The following LSAMP variants were observed in gnomAD, a reference collection of about 807,000 sequenced individuals.
LSAMP encodes the protein limbic system-associated membrane protein.
A neutral mutation model predicts 38.6 loss-of-function variants in LSAMP; 7 were observed. The observed-to-expected ratio is 0.18, with a 90% CI of 0.10 to 0.34. LSAMP has a LOEUF of 0.34. LSAMP is among the 10% of genes least tolerant of loss of function. The pLI, the probability that LSAMP is intolerant of heterozygous loss-of-function variation, is 1.00. For missense variants in LSAMP, 313 were observed against 420.0 expected (o/e 0.75, Z 2.23); for synonymous variants, 154 against 166.8 (o/e 0.92, Z 0.59).
At chr3:116,297,338 A>C (rs1325168492) in intron 1 of LSAMP, among the ~76,000 whole-genome samples, 1 of 152,196 alleles carries the variant, frequency 6.6e-6, no homozygotes, top group Non-Finnish European at 1.5e-5. Context: ...GGGTGGTCAA[A>C]GAAATTCACC....
At chr3:115,964,183 G>T (rs559755095) in intron 3 of LSAMP, among the ~76,000 whole-genome samples, 1 of 152,142 alleles carries the variant, frequency 6.6e-6, no homozygotes, top group Admixed American at 6.5e-5. Context: ...CTTATTTTTG[G>T]TGTTTTATTT....
intron 2 of LSAMP, among the ~76,000 whole-genome samples, chr3:116,060,756 A>T (rs568509931): frequency 7.9e-5 from 12 of 152,160 alleles, no homozygotes; most frequent in African/African-American, 2.9e-4. Flanking sequence ...GTGAAACTCC[A>T]TCTCAAAAAA....
At chr3:116,209,864 G>T (rs967767358) in intron 1 of LSAMP, among the ~76,000 whole-genome samples, 1 of 152,122 alleles carries the variant, frequency 6.6e-6, no homozygotes, top group East Asian at 1.9e-4. Flanking sequence ...CCGTTCTCCT[G>T]CCTTAGCCTC....
intron 1 of LSAMP, among the ~76,000 whole-genome samples, chr3:116,257,365 CTCTTT>C (rs2046765443): frequency 6.6e-6 from 1 of 152,088 alleles, no homozygotes; most frequent in Non-Finnish European, 1.5e-5. Flanking sequence ...AGTAGGGTTA[CTCTTT>C]TCTTCTGTTT....
intron 1 of LSAMP, among the ~76,000 whole-genome samples, chr3:116,202,144 T>C (rs1339118584): frequency 2.1e-5 from 2 of 93,572 alleles, no homozygotes; most frequent in East Asian, 5.4e-4. Context: ...CTTTCTTTTC[T>C]TTTTTTTTTT....
chr3:116,067,286 A>AAAAT (rs1707480851), intron 2 of LSAMP, among the ~76,000 whole-genome samples: 1 of 152,162 alleles, frequency 6.6e-6, no homozygotes, highest in Non-Finnish European at 1.5e-5. Context: ...ATATTACTGA[A>AAAAT]GTTGATGAAG....
At chr3:116,090,565 T>C (rs564204926) in intron 1 of LSAMP, among the ~76,000 whole-genome samples, 44 of 152,356 alleles carry the variant, frequency 2.9e-4, no homozygotes, top group Admixed American at 2.4e-3. Context: ...CTAAACTTTA[T>C]ACTTAATGAT....
At chr3:116,441,795 C>G (rs183249096) in intron 1 of LSAMP, among the ~76,000 whole-genome samples, 1 of 152,336 alleles carries the variant, frequency 6.6e-6, no homozygotes, top group Admixed American at 6.5e-5. Context: ...CTTTCCTGTA[C>G]ACACAAATAT....
At chr3:116,082,286 G>A (rs545984510) in intron 2 of LSAMP, among the ~76,000 whole-genome samples, 51 of 152,246 alleles carry the variant, frequency 3.3e-4, no homozygotes, top group African/African-American at 1.2e-3. Context: ...TATATAATTT[G>A]ATTCAATGTC....
rs1937350049 is a variant in LSAMP, at chr3:115,920,170, T to A, written c.515-67553A>T. 6.6e-5 allele frequency among the ~76,000 whole-genome samples: 10 copies of A among 152,330 alleles called. 1 individual carries two copies. The South Asian group carries it at 2.1e-3, about 32-fold the overall frequency. Reference sequence around the variant, plus strand: ...TGGCAGTAGAGATATCTCTTAAAGATCCTGATTTCAATTCTTTTGTATAAA... The same window carrying A: ...TGGCAGTAGAGATATCTCTTAAAGAACCTGATTTCAATTCTTTTGTATAAA... On this transcript the variant is annotated intron_variant, in intron 3 of 6. Coordinates refer to ENST00000490035, the MANE Select transcript of LSAMP (RefSeq NM_002338.5).
intron 1 of LSAMP, among the ~76,000 whole-genome samples, chr3:116,120,514 C>T (rs797005020): frequency 3.3e-5 from 5 of 152,260 alleles, no homozygotes; most frequent in African/African-American, 1.2e-4. Context: ...AGGGACAGTA[C>T]TCACAGATAA....
intron 3 of LSAMP, among the ~76,000 whole-genome samples, chr3:115,952,868 GAA>G (rs746621298): frequency 6.6e-5 from 10 of 152,124 alleles, no homozygotes; most frequent in Non-Finnish European, 1.0e-4. Context: ...CAAGATGTAA[GAA>G]AAATTATTGT....
chr3:115,823,731 T>C (rs1934320989), intron 6 of LSAMP, among the ~76,000 whole-genome samples: 1 of 152,200 alleles, frequency 6.6e-6, no homozygotes, highest in South Asian at 2.1e-4. Flanking sequence ...ACAAGGAGAA[T>C]AAATTTTTTC....
intron 3 of LSAMP, among the ~76,000 whole-genome samples, chr3:115,857,231 G>A (rs1056403580): frequency 2.0e-5 from 3 of 152,180 alleles, no homozygotes; most frequent in African/African-American, 7.2e-5. Context: ...GCTGAATCTT[G>A]AGTCACAAAA....
intron 1 of LSAMP, among the ~76,000 whole-genome samples, chr3:116,095,077 T>C (rs903410768): frequency 1.3e-5 from 2 of 152,230 alleles, no homozygotes; most frequent in African/African-American, 4.8e-5. Flanking sequence ...GTTAACCTCT[T>C]TATATTTTGC....
In LSAMP at chr3:116,232,699, C is replaced by CTTTTTTTTTTTTTT. The variant is rs1219296323; in HGVS notation, c.156-146157_156-146144dup. 2.5e-4 allele frequency among the ~76,000 whole-genome samples: 25 copies of CTTTTTTTTTTTTTT among 99,458 alleles called. 2 individuals carry two copies. The highest frequency in any genetic ancestry group is 3.1e-4 in the Non-Finnish European group (15 of 48,514). 65.2% of individuals were successfully genotyped at this position (99,458 alleles called of 152,430 possible). On this transcript the variant is annotated intron_variant, in intron 1 of 6. Coordinates refer to ENST00000490035, the MANE Select transcript of LSAMP (RefSeq NM_002338.5). The stretch of plus-strand genomic sequence containing the variant: ...TTAATTTTCTTTTCTTTCTTTCTTT[C>CTTTTTTTTTTTTTT]TTTTTTTTTTTTTTTTTCCAGCAGG...
At chr3:116,324,784 T>C (rs1174980523) in intron 1 of LSAMP, among the ~76,000 whole-genome samples, 1 of 152,174 alleles carries the variant, frequency 6.6e-6, no homozygotes, top group Non-Finnish European at 1.5e-5. Flanking sequence ...CAGTGTATCT[T>C]GTCATTGTCT....
chr3:116,000,608 G>A (rs1402913098), intron 3 of LSAMP, among the ~76,000 whole-genome samples: 1 of 152,174 alleles, frequency 6.6e-6, no homozygotes, highest in Non-Finnish European at 1.5e-5. Context: ...AGTACTTGTT[G>A]TGGACCTGGT....
At chr3:115,977,282 C>T (rs72957755) in intron 3 of LSAMP, among the ~76,000 whole-genome samples, 3,369 of 152,224 alleles carry the variant, frequency 0.022, 115 homozygotes, top group African/African-American at 0.075. Flanking sequence ...TTCTCATAGT[C>T]ACTGGTAAGT....
Sources: allele counts gnomAD v4.1 joint callset (sites outside exome capture counted in the v4.1 genomes callset), GRCh38; gene constraint gnomAD v4.1.1; transcripts MANE v1.5; gene names NCBI Gene and HGNC (gene_info 2026-07-23, HGNC 2026-07-21).